MAP3K13: variants seen among roughly 807,000 people sequenced by gnomAD.
MAP3K13 encodes leucine zipper-bearing kinase.
A neutral mutation model predicts 104.0 loss-of-function variants in MAP3K13; 52 were observed. The ratio of observed to expected loss-of-function variants is 0.50; its 90% CI spans 0.40 to 0.63. The LOEUF is 0.63. MAP3K13 is among the 20% of genes least tolerant of loss of function. The probability of loss-of-function intolerance (pLI) is 0.00; values close to 1 mark genes in which losing one functional copy is unlikely to be tolerated. For synonymous variants in MAP3K13, 394 were observed against 442.2 expected, an observed-to-expected ratio of 0.89 and a Z score of 1.37; for missense variants, 914 against 1,218.5, an observed-to-expected ratio of 0.75 and a Z score of 3.72.
At position 185,454,335 on chromosome 3, in the gene MAP3K13, G is replaced by C. The variant is rs1461569051; in HGVS notation, c.1278+2940G>C. Among the ~76,000 whole-genome samples, 13 of 75,962 alleles carry C rather than the reference G, an allele frequency of 1.7e-4. 2 individuals are homozygous for C. Among genetic ancestry groups the C allele is most frequent in the African/African-American group, 6.1e-4 (12 of 19,790 alleles). 49.8% of individuals were successfully genotyped at this position (75,962 alleles called of 152,430 possible). A position where few individuals can be genotyped will look rare whatever the true frequency, so the allele number is the denominator to read the frequency against. ...TATGAGATATATATGAGATATATAT[G>C]ATATATATGAGATATATGAGATATA... On this transcript the variant is annotated intron_variant, in intron 7 of 13. Transcript: ENST00000265026.
At chr3:185,285,465 G>T in intron 1 of MAP3K13, 1 of 533,592 alleles carries the variant, frequency 1.9e-6, no homozygotes, top group Non-Finnish European at 3.3e-6. Context: ...ATAATGAGTT[G>T]GTATCTCAGT....
intron 5 of MAP3K13, chr3:185,448,148 A>G: frequency 1.4e-6 from 1 of 736,980 alleles, no homozygotes; most frequent in Non-Finnish European, 2.5e-6. Flanking sequence ...TAGGGTGGCT[A>G]TCTACTCAGT....
At chr3:185,406,804 T>A (rs549662785) in intron 1 of MAP3K13, among the ~76,000 whole-genome samples, 1 of 152,296 alleles carries the variant, frequency 6.6e-6, no homozygotes, top group Non-Finnish European at 1.5e-5. Flanking sequence ...GCTCAATTCA[T>A]TTTCGTCTTC....
chr3:185,366,130 C>T (rs1187826188), intron 1 of MAP3K13, among the ~76,000 whole-genome samples: 4 of 151,534 alleles, frequency 2.6e-5, no homozygotes, highest in Admixed American at 1.3e-4. Context: ...CCTAGACAAC[C>T]GCCAATCTGC....
intron 3 of MAP3K13, 92 bp from the exon 4 acceptor site, chr3:185,443,353 G>T (rs889537345): frequency 1.2e-6 from 1 of 804,958 alleles, no homozygotes; most frequent in Non-Finnish European, 1.9e-6. Flanking sequence ...AATAATTCGG[G>T]TATAGAATTG....
chr3:185,433,507 C>G (rs1303549100), intron 2 of MAP3K13, among the ~76,000 whole-genome samples: 1 of 152,160 alleles, frequency 6.6e-6, no homozygotes, highest in Non-Finnish European at 1.5e-5. Context: ...GCCATTTTCC[C>G]ATTTCTGAGC....
chr3:185,319,143 T>C (rs1721774737), intron 2 of MAP3K13, among the ~76,000 whole-genome samples: 1 of 152,192 alleles, frequency 6.6e-6, no homozygotes. Context: ...AAATCTACAT[T>C]ATAGCCTTAG....
At chr3:185,400,465 G>A (rs1712727921) in intron 1 of MAP3K13, among the ~76,000 whole-genome samples, 1 of 152,172 alleles carries the variant, frequency 6.6e-6, no homozygotes, top group African/African-American at 2.4e-5. Flanking sequence ...TCGCATCATC[G>A]TTATTGCTTA....
At chr3:185,341,811 C>T (rs1003102904) in intron 2 of MAP3K13, among the ~76,000 whole-genome samples, 3 of 152,172 alleles carry the variant, frequency 2.0e-5, no homozygotes, top group African/African-American at 2.4e-5. Flanking sequence ...TATTGGAACA[C>T]GCCATGCCTA....
intron 2 of MAP3K13, among the ~76,000 whole-genome samples, chr3:185,348,928 C>CAAAT (rs34907374): frequency 0.16 from 23,773 of 150,930 alleles, 2,497 homozygotes; most frequent in African/African-American, 0.3. Flanking sequence ...AACAAACAAA[C>CAAAT]AAATAAATAA....
chr3:185,394,630 C>G (rs1199667408), intron 1 of MAP3K13, among the ~76,000 whole-genome samples: 1 of 152,150 alleles, frequency 6.6e-6, no homozygotes, highest in Non-Finnish European at 1.5e-5. Context: ...TGCTCAATCA[C>G]TAGGATGGGG....
chr3:185,367,008 AGGT>A, intron 1 of MAP3K13, among the ~76,000 whole-genome samples: 1 of 152,178 alleles, frequency 6.6e-6, no homozygotes, highest in African/African-American at 2.4e-5. Flanking sequence ...GCCTGACTCA[AGGT>A]CATAAAGATT....
At chr3:185,408,302 ACCTGTAATCCCAG>A (rs1577520252) in intron 1 of MAP3K13, among the ~76,000 whole-genome samples, 2 of 152,070 alleles carry the variant, frequency 1.3e-5, no homozygotes, top group Admixed American at 6.6e-5. Context: ...GGTGGCTCAC[ACCTGTAATCCCAG>A]CCTGTAATCC....
At chr3:185,441,327 G>A (rs1380334238) in intron 3 of MAP3K13, among the ~76,000 whole-genome samples, 1 of 152,164 alleles carries the variant, frequency 6.6e-6, no homozygotes, top group Non-Finnish European at 1.5e-5. Context: ...GTTATTTGAA[G>A]GCTTTTTTAG....
chr3:185,372,599 G>A (rs1403066585), intron 1 of MAP3K13, among the ~76,000 whole-genome samples: 1 of 152,090 alleles, frequency 6.6e-6, no homozygotes, highest in African/African-American at 2.4e-5. Context: ...TTGATTAAAA[G>A]GTTATCTACA....
intron 8 of MAP3K13, among the ~76,000 whole-genome samples, 177 bp from the exon 9 acceptor site, chr3:185,465,570 G>C (rs1156528954): frequency 6.6e-6 from 1 of 152,114 alleles, no homozygotes; most frequent in East Asian, 1.9e-4. Flanking sequence ...GGAGAGCTTA[G>C]ATTTCCCACC....
intron 2 of MAP3K13, among the ~76,000 whole-genome samples, chr3:185,301,846 A>G (rs942065336): frequency 6.6e-6 from 1 of 152,202 alleles, no homozygotes; most frequent in Non-Finnish European, 1.5e-5. Context: ...TTATGCCAGT[A>G]CTATTCTGTT....
At chr3:185,345,917 T>C (rs916602010) in intron 2 of MAP3K13, among the ~76,000 whole-genome samples, 3 of 141,992 alleles carry the variant, frequency 2.1e-5, no homozygotes, top group African/African-American at 7.7e-5. Context: ...ACTGCTGACA[T>C]AGTGTATTAC....
At chr3:185,347,307 A>G (rs1170160002) in intron 2 of MAP3K13, among the ~76,000 whole-genome samples, 6 of 152,082 alleles carry the variant, frequency 3.9e-5, no homozygotes, top group African/African-American at 1.4e-4. Flanking sequence ...TATATATTGG[A>G]CAGACTACAG....
Sources: allele counts gnomAD v4.1 joint callset (sites outside exome capture counted in the v4.1 genomes callset), GRCh38; gene constraint gnomAD v4.1.1; transcripts MANE v1.5; gene names NCBI Gene and HGNC (gene_info 2026-07-23, HGNC 2026-07-21).